FZD3: variants seen among roughly 807,000 people sequenced by gnomAD.
FZD3 encodes frizzled class receptor 3.
In FZD3, 30 loss-of-function variants were observed where a neutral mutation model predicts 60.7. The ratio of observed to expected loss-of-function variants is 0.49; its 90% CI spans 0.37 to 0.67. The LOEUF is 0.67. FZD3 is among the 30% of genes least tolerant of loss of function. The probability of loss-of-function intolerance (pLI) is 0.00; values close to 1 mark genes in which losing one functional copy is unlikely to be tolerated. For missense variants in FZD3, 605 were observed against 838.7 expected (o/e 0.72, Z 3.44); for synonymous variants, 246 against 275.2 (o/e 0.89, Z 1.05).
chr8:28,525,363 A>G (rs953181984), intron 4 of FZD3, among the ~76,000 whole-genome samples: 1 of 152,200 alleles, frequency 6.6e-6, no homozygotes, highest in Non-Finnish European at 1.5e-5. Flanking sequence ...ATAGGAGAGC[A>G]GAGGGATTCT....
chr8:28,519,730 TA>T (rs58605065), intron 3 of FZD3, among the ~76,000 whole-genome samples: 8,361 of 135,598 alleles, frequency 0.062, 265 homozygotes, highest in Non-Finnish European at 0.081. Flanking sequence ...ACCCTGTCTT[TA>T]AAAAAAAAAA....
chr8:28,532,647 T>C lies in FZD3; in HGVS notation c.1404+4483T>C, dbSNP rs578085294. Reference sequence around the variant, plus strand: ...CTCCCTGTGTTGCCCAGCCTGGTCTTAAGTGATCCTTCCACCTTGGCTTTC... The same window carrying C: ...CTCCCTGTGTTGCCCAGCCTGGTCTCAAGTGATCCTTCCACCTTGGCTTTC... On this transcript the variant is annotated intron_variant, in intron 5 of 7. Coordinates refer to ENST00000240093, the MANE Select transcript of FZD3 (RefSeq NM_017412.4). Among the ~76,000 whole-genome samples the C allele has an allele frequency of 3.4e-4, 51 of 152,046 alleles. 1 individual carries two copies. The highest frequency in any genetic ancestry group is 1.2e-3 in the African/African-American group (50 of 41,494).
intron 5 of FZD3, among the ~76,000 whole-genome samples, chr8:28,533,453 G>A (rs2323019): frequency 0.54 from 81,613 of 152,090 alleles, 22,469 homozygotes; most frequent in South Asian, 0.64. Flanking sequence ...TATTGTCAAT[G>A]TTTTAAAATG....
chr8:28,551,748 A>G lies in FZD3; in HGVS notation c.1550A>G (p.Lys517Arg). 1 of 1,600,422 alleles carries G rather than the reference A, an allele frequency of 6.2e-7. No homozygotes were observed. Among genetic ancestry groups the G allele is most frequent in the Non-Finnish European group, 8.5e-7 (1 of 1,176,596 alleles). The change falls in exon 6 of 8, where the codon AAA becomes AGA. Residue 517 changes from lysine (K) to arginine (R), a missense_variant. Physicochemically the swap from Lys to Arg is conservative, Grantham distance 26. Coordinates refer to ENST00000240093, the MANE Select transcript of FZD3 (RefSeq NM_017412.4). ...AGTTTTTTTCATGGTCGTAGGAAAAAAGAGTAAGTTGAAATAAATGATCAC... is the reference window on the plus strand; with the variant it reads ...AGTTTTTTTCATGGTCGTAGGAAAAGAGAGTAAGTTGAAATAAATGATCAC... ...WASFFHGRRK[K>R]EIVNESRQVL... is the part of the protein sequence containing the mutation.
At chr8:28,521,444 C>T (rs1804576694) in intron 4 of FZD3, among the ~76,000 whole-genome samples, 1 of 151,928 alleles carries the variant, frequency 6.6e-6, no homozygotes, top group South Asian at 2.1e-4. Flanking sequence ...TGAAATATTT[C>T]AAGGATAAAG....
intron 6 of FZD3, among the ~76,000 whole-genome samples, chr8:28,552,157 T>G (rs1160459907): frequency 7.9e-5 from 12 of 152,364 alleles, no homozygotes; most frequent in African/African-American, 2.9e-4. Flanking sequence ...AGAGGTTAAG[T>G]GCTTGGCCAA....
chr8:28,512,420 G>A (rs536738581), intron 3 of FZD3, among the ~76,000 whole-genome samples: 47 of 151,956 alleles, frequency 3.1e-4, no homozygotes, highest in African/African-American at 1.1e-3. Flanking sequence ...GTGAGTGATC[G>A]GGTGGAATTT....
intron 3 of FZD3, among the ~76,000 whole-genome samples, chr8:28,510,012 G>A (rs1462560534): frequency 6.6e-6 from 1 of 152,096 alleles, no homozygotes; most frequent in Non-Finnish European, 1.5e-5. Context: ...CTGTCAAAGT[G>A]TTTTCCATAT....
At chr8:28,560,610 T>TA (rs1457913164) in intron 7 of FZD3, among the ~76,000 whole-genome samples, 1 of 152,178 alleles carries the variant, frequency 6.6e-6, no homozygotes, top group East Asian at 1.9e-4. Flanking sequence ...CAGCTTATAT[T>TA]TTTATATAGT....
At chr8:28,495,071 G>C (rs1429429283) in intron 1 of FZD3, among the ~76,000 whole-genome samples, 2 of 152,230 alleles carry the variant, frequency 1.3e-5, no homozygotes, top group African/African-American at 4.8e-5. Flanking sequence ...CTGTGAAATA[G>C]CCAGCAAGGT....
Position 28,502,731 on chromosome 8 carries a change from T to C in FZD3, c.-283T>C, listed in dbSNP as rs1804029059. 1 of 225,634 alleles carries C rather than the reference T, an allele frequency of 4.4e-6. No individual in the cohort carries two copies. Among genetic ancestry groups the C allele is most frequent in the African/African-American group, 2.3e-5 (1 of 44,272 alleles). 14.0% of individuals were successfully genotyped at this position (225,634 alleles called of 1,614,324 possible). On this transcript the variant is annotated 5_prime_UTR_variant, in exon 3 of 8. Coordinates refer to ENST00000240093, the MANE Select transcript of FZD3 (RefSeq NM_017412.4). Reference sequence around the variant, plus strand: ...AGATGGAATCTGTGGTTTGGGAATGTGGTTGATCAACTTGATATGTTGGCC... The same window carrying C: ...AGATGGAATCTGTGGTTTGGGAATGCGGTTGATCAACTTGATATGTTGGCC...
At chr8:28,543,360 C>G (rs1057171397) in intron 5 of FZD3, among the ~76,000 whole-genome samples, 1 of 151,504 alleles carries the variant, frequency 6.6e-6, no homozygotes, top group African/African-American at 2.4e-5. Flanking sequence ...CATTCTTTGC[C>G]TTGCCACACT....
chr8:28,506,518 A>G (rs1214362204), intron 3 of FZD3, among the ~76,000 whole-genome samples: 2 of 152,112 alleles, frequency 1.3e-5, no homozygotes, highest in Non-Finnish European at 2.9e-5. Flanking sequence ...TGGAACGAGC[A>G]ATCTTTAATC....
intron 5 of FZD3, among the ~76,000 whole-genome samples, chr8:28,550,481 CTTTTTTTTTTTT>C (rs386412443): frequency 2.9e-5 from 1 of 34,336 alleles, no homozygotes; most frequent in Non-Finnish European, 4.7e-5. Context: ...CTTCTTTTAT[CTTTTTTTTTTTT>C]TTTTTTTTTT....
At chr8:28,512,247 C>G (rs1804309011) in intron 3 of FZD3, among the ~76,000 whole-genome samples, 1 of 152,008 alleles carries the variant, frequency 6.6e-6, no homozygotes. Context: ...ATTTCTAGGC[C>G]TTTCATGTTT....
At chr8:28,503,263 C>A in intron 3 of FZD3, 61 bp downstream of exon 3, 5 of 922,182 alleles carry the variant, frequency 5.4e-6, no homozygotes, top group South Asian at 1.7e-5. Flanking sequence ...GTCCCATCAG[C>A]CAATCTAATG....
At chr8:28,537,580 G>C (rs1162848979) in intron 5 of FZD3, among the ~76,000 whole-genome samples, 1 of 152,146 alleles carries the variant, frequency 6.6e-6, no homozygotes, top group South Asian at 2.1e-4. Flanking sequence ...TAGACAGTAA[G>C]TCAGCAAATG....
chr8:28,561,629 T>TAAA (rs1171484110), intron 7 of FZD3, among the ~76,000 whole-genome samples: 14 of 152,012 alleles, frequency 9.2e-5, no homozygotes, highest in Non-Finnish European at 2.1e-4. Flanking sequence ...TGCTATATTT[T>TAAA]ATTTTTAGAA....
intron 3 of FZD3, among the ~76,000 whole-genome samples, chr8:28,508,344 C>G (rs1804195766): frequency 6.6e-6 from 1 of 151,548 alleles, no homozygotes; most frequent in East Asian, 1.9e-4. Flanking sequence ...GGAAATGATG[C>G]TTAAGAGATC....
Sources: gnomAD v4.1 joint callset for allele counts (sites outside exome capture counted in the v4.1 genomes callset) on GRCh38, gnomAD v4.1.1 for gene constraint, MANE v1.5 for transcripts, NCBI Gene and HGNC (gene_info 2026-07-23, HGNC 2026-07-21) for gene names.